The following C4orf50 variants were observed in gnomAD, a reference collection of about 807,000 sequenced individuals.
C4orf50 encodes the protein chromosome 4 open reading frame 50, also known as uncharacterized protein C4orf50.
Under a neutral mutation model 77.2 loss-of-function variants are expected in C4orf50, and 80 were observed. The ratio of observed to expected loss-of-function variants is 1.04; its 90% CI spans 0.87 to 1.25. C4orf50 has a LOEUF of 1.25. C4orf50 is among the 50% of genes most tolerant of loss of function. The pLI, the probability that C4orf50 is intolerant of heterozygous loss-of-function variation, is 0.00. For missense variants in C4orf50, 1,257 were observed against 1,152.9 expected, an observed-to-expected ratio of 1.09 and a Z score of -1.31; for synonymous variants, 532 against 465.3, an observed-to-expected ratio of 1.14 and a Z score of -1.84.
intron 25 of C4orf50, among the ~76,000 whole-genome samples, chr4:6,001,295 G>T (rs948901141): frequency 1.3e-5 from 2 of 152,138 alleles, no homozygotes; most frequent in African/African-American, 4.8e-5. Context: ...GATTACAGGC[G>T]CATGCCACCA....
intron 25 of C4orf50, among the ~76,000 whole-genome samples, chr4:6,001,931 C>T (rs955707526): frequency 6.6e-6 from 1 of 152,236 alleles, no homozygotes; most frequent in East Asian, 1.9e-4. Context: ...CATGTGAGGG[C>T]CCTGGGAGGA....
intron 31 of C4orf50, among the ~76,000 whole-genome samples, chr4:5,969,667 T>C (rs1719788711): frequency 6.6e-6 from 1 of 152,068 alleles, no homozygotes; most frequent in Non-Finnish European, 1.5e-5. Flanking sequence ...GCATTTGACA[T>C]GGGGTCTTTA....
chr4:5,966,211 C>T (rs1719555048), intron 32 of C4orf50, among the ~76,000 whole-genome samples: 1 of 152,214 alleles, frequency 6.6e-6, no homozygotes. Context: ...TGCAGTGGCT[C>T]ATGCCTGTAA....
intron 25 of C4orf50, among the ~76,000 whole-genome samples, chr4:5,998,725 C>T (rs1721704681): frequency 6.6e-6 from 1 of 152,244 alleles, no homozygotes; most frequent in South Asian, 2.1e-4. Flanking sequence ...ACTGTAGTGT[C>T]ATGGTTTGCA....
intron 25 of C4orf50, among the ~76,000 whole-genome samples, chr4:6,006,365 T>C (rs1722253811): frequency 6.6e-6 from 1 of 152,226 alleles, no homozygotes; most frequent in African/African-American, 2.4e-5. Flanking sequence ...TGTAGATGTT[T>C]TGTGGGAGCT....
intron 7 of C4orf50, among the ~76,000 whole-genome samples, chr4:5,930,919 G>C (rs1328921782): frequency 1.3e-5 from 2 of 152,202 alleles, no homozygotes; most frequent in Non-Finnish European, 2.9e-5. Context: ...GAGAGGCAAA[G>C]GGGTAACGGG....
intron 7 of C4orf50, among the ~76,000 whole-genome samples, chr4:5,951,954 A>G (rs1159879464): frequency 1.3e-5 from 2 of 152,162 alleles, no homozygotes; most frequent in Non-Finnish European, 2.9e-5. Flanking sequence ...TCTACTCCCA[A>G]AGCAAAAATA....
chr4:5,938,768 T>C (rs1718141084), intron 7 of C4orf50, among the ~76,000 whole-genome samples: 1 of 150,720 alleles, frequency 6.6e-6, no homozygotes, highest in Non-Finnish European at 1.5e-5. Flanking sequence ...ACTCCTTTCA[T>C]AATGTGATGT....
At position 5,958,490 on chromosome 4, in the gene C4orf50, T is replaced by C. The variant is rs1719092463; in HGVS notation, c.*885A>G. The C allele has an allele frequency of 6.6e-6, 1 of 152,284 alleles. No homozygotes were observed. Among genetic ancestry groups the C allele is most frequent in the Non-Finnish European group, 1.5e-5 (1 of 68,112 alleles). 9.4% of individuals were successfully genotyped at this position (152,284 alleles called of 1,614,324 possible). A position where few individuals can be genotyped will look rare whatever the true frequency, so the allele number is the denominator to read the frequency against. On this transcript the variant is annotated 3_prime_UTR_variant, in exon 34 of 34. Transcript: ENST00000531445. This position sits in a 1 kb window ranked among gnomAD's most constrained non-coding sequence, Gnocchi z 5.4. ...CGGACACTGCCCAGCCATTCCTTTG[T>C]GGCTGACTTCCAGTTGTCCCAAGCC...
intron 33 of C4orf50, among the ~76,000 whole-genome samples, chr4:5,959,960 G>A (rs13104670): frequency 0.23 from 34,696 of 152,058 alleles, 4,917 homozygotes; most frequent in Admixed American, 0.37. Flanking sequence ...TCTCCTTCCC[G>A]GTGATAAGAG....
At chr4:5,988,381 C>G (rs1460256890) in exon 28 of C4orf50, 1 of 1,613,864 alleles carries the variant, frequency 6.2e-7, no homozygotes. Context: ...CAGAGCTTGC[C>G]CCTGAGCCAC....
At chr4:5,981,363 G>T (rs1172061971) in intron 28 of C4orf50, among the ~76,000 whole-genome samples, 1 of 150,332 alleles carries the variant, frequency 6.7e-6, no homozygotes, top group Admixed American at 6.6e-5. Flanking sequence ...CTTTCCCTGA[G>T]ATCATCAGGG....
At chr4:5,940,009 G>T (rs757723228) in intron 7 of C4orf50, among the ~76,000 whole-genome samples, 3 of 152,236 alleles carry the variant, frequency 2.0e-5, no homozygotes, top group African/African-American at 7.2e-5. Context: ...ATTTTTGAAC[G>T]TGGGTCCCAT....
Position 6,008,219 on chromosome 4 carries a change from G to A in C4orf50, c.740C>T (p.Ala247Val), listed in dbSNP as rs1722330505. The change falls in exon 25 of 34, where the codon GCA (alanine) becomes GTA (valine). Residue 247 changes from alanine (A) to valine (V), a missense_variant. By Grantham distance (64) the Ala-to-Val change is moderately conservative. Coordinates refer to ENST00000531445, the Ensembl canonical transcript of C4orf50. The surrounding 1 kb of genome is among the most constrained non-coding windows in gnomAD (Gnocchi z 6.0). Reference sequence around the variant, plus strand: ...TTCCCGCTCGCGCTCGCTGCGCTCTGCCCTCGCCTGCAGGGCGCGCAGTTC... The same window carrying A: ...TTCCCGCTCGCGCTCGCTGCGCTCTACCCTCGCCTGCAGGGCGCGCAGTTC... 1 of 396,920 alleles carries A rather than the reference G, an allele frequency of 2.5e-6. No homozygotes were observed. The highest frequency in any genetic ancestry group is 2.1e-5 in the African/African-American group (1 of 48,530). 24.6% of individuals were successfully genotyped at this position (396,920 alleles called of 1,614,324 possible).
At chr4:5,941,754 A>G (rs1718277588) in intron 7 of C4orf50, among the ~76,000 whole-genome samples, 1 of 151,944 alleles carries the variant, frequency 6.6e-6, no homozygotes, top group African/African-American at 2.4e-5. Context: ...GAGGAGGCTG[A>G]GGGGAATAAA....
At chr4:6,014,292 G>C (rs542127360) in intron 23 of C4orf50, among the ~76,000 whole-genome samples, 2 of 152,110 alleles carry the variant, frequency 1.3e-5, no homozygotes, top group Non-Finnish European at 2.9e-5. Context: ...GCGAGCAACC[G>C]GGCCGGCCTA....
At chr4:5,927,143 G>T (rs555835260) in intron 7 of C4orf50, among the ~76,000 whole-genome samples, 2 of 152,200 alleles carry the variant, frequency 1.3e-5, no homozygotes, top group Non-Finnish European at 2.9e-5. Flanking sequence ...GTCTGGCGGT[G>T]CAGTCTCCCC....
chr4:5,923,506 C>T (rs1032773505), intron 7 of C4orf50, among the ~76,000 whole-genome samples: 2 of 151,928 alleles, frequency 1.3e-5, no homozygotes, highest in African/African-American at 2.4e-5. Context: ...TGGACCCCAC[C>T]CCACCAGCAC....
At chr4:5,977,119 G>A (rs992368666) in intron 29 of C4orf50, among the ~76,000 whole-genome samples, 5 of 152,230 alleles carry the variant, frequency 3.3e-5, no homozygotes, top group Non-Finnish European at 7.3e-5. Context: ...GGCAGGATGT[G>A]AGTGAGGCCG....
Sources: allele counts gnomAD v4.1 joint callset (sites outside exome capture counted in the v4.1 genomes callset), GRCh38; gene constraint gnomAD v4.1.1; non-coding constraint Gnocchi (gnomAD v3.1); transcripts MANE v1.5; gene names NCBI Gene and HGNC (gene_info 2026-07-23, HGNC 2026-07-21).